ZNF226: variants seen among roughly 807,000 people sequenced by gnomAD.
ZNF226 encodes zinc finger protein 226.
In ZNF226, 6 loss-of-function variants were observed where a neutral mutation model predicts 11.4. That is an observed-to-expected ratio of 0.53 (90% CI 0.29 to 1.04). ZNF226 has a LOEUF of 1.04. Ranked by LOEUF, ZNF226 falls within the 50% of genes least tolerant of loss-of-function variation. The probability of loss-of-function intolerance (pLI) is 0.08; values close to 1 mark genes in which losing one functional copy is unlikely to be tolerated. For missense variants in ZNF226, 1,058 were observed against 956.5 expected (o/e 1.11, Z -1.40); for synonymous variants, 350 against 322.8 (o/e 1.08, Z -0.90).
chr19:44,172,307 C>A, intron 4 of ZNF226, 93 bp downstream of exon 4: 1 of 1,489,364 alleles, frequency 6.7e-7, no homozygotes. Flanking sequence ...GGGAATCTGA[C>A]TTTCCTAATT....
chr19:44,170,075 T>C lies in ZNF226; in HGVS notation c.-6T>C. 4.3e-6 allele frequency: 7 copies of C among 1,612,258 alleles called. No homozygotes were observed. The highest frequency in any genetic ancestry group is 5.9e-6 in the Non-Finnish European group (7 of 1,179,030). ...CTCTGCACTTCCCCAGAAGGAAGAA[T>C]TAAAAATGAATATGTTCAAGGTGAG... On this transcript the variant is annotated 5_prime_UTR_variant, in exon 3 of 6. Transcript: ENST00000337433.
the ZNF226 span, among the ~76,000 whole-genome samples, chr19:44,194,585 G>A: frequency 1.3e-5 from 2 of 152,144 alleles, no homozygotes; most frequent in African/African-American, 2.4e-5. Flanking sequence ...GGTCCTAGTG[G>A]CTTTAATTGT....
Position 44,177,299 on chromosome 19 carries a change from C to T in ZNF226, c.2037C>T (p.Gly679=). 6.2e-7 allele frequency: 1 copy of T among 1,613,980 alleles called. No homozygotes were observed. Among genetic ancestry groups the T allele is most frequent in the East Asian group, 2.2e-5 (1 of 44,862 alleles). Residue 679 remains glycine, a synonymous_variant, in exon 6 of 6, where the codon GGC becomes GGT. Coordinates refer to ENST00000337433, the MANE Select transcript of ZNF226 (RefSeq NM_001032373.2). The part of the protein sequence containing the change: ...KPYKCDECGK[G]FKWSLNLDMH... The stretch of plus-strand genomic sequence containing the variant: ...ACAAATGTGATGAGTGTGGGAAGGG[C>T]TTCAAGTGGAGCTTGAACCTTGACA...
At position 44,176,158 on chromosome 19, in the gene ZNF226, A is replaced by G. The variant is rs1470934194; in HGVS notation, c.896A>G (p.Gln299Arg). Reference sequence around the variant, plus strand: ...TACAGCCCAGTTCTTCCTGTTCATCAGAAAGTACATGTGGGAGAAAAACTT... The same window carrying G: ...TACAGCCCAGTTCTTCCTGTTCATCGGAAAGTACATGTGGGAGAAAAACTT... The part of the protein sequence containing the change: ...FCYSPVLPVH[Q>R]KVHVGEKLKC... The change falls in exon 6 of 6, where the codon CAG becomes CGG. Residue 299 changes from glutamine (Q) to arginine (R), a missense_variant. By Grantham distance (43) the Gln-to-Arg change is conservative (BLOSUM62 1). Transcript: ENST00000337433. The G allele has an allele frequency of 2.5e-6, 4 of 1,614,064 alleles. No homozygotes were observed. Among genetic ancestry groups the G allele is most frequent in the Admixed American group, 3.3e-5 (2 of 59,976 alleles).
Position 44,177,612 on chromosome 19 carries a change from A to G in ZNF226, c.2350A>G (p.Lys784Glu). ...AATCCATGTTGGTGATAAATCCTAT[A>G]AAAGTAATAGGGGTGGTAAGAACAT... ...HRIHVGDKSY[K>E]SNRGGKNIRE... Residue 784 changes from lysine (K) to glutamate (E), a missense_variant, in exon 6 of 6, where the codon AAA becomes GAA. Physicochemically the swap from Lys to Glu is moderately conservative, Grantham distance 56. Transcript: ENST00000337433. 1 of 1,613,672 alleles carries G rather than the reference A, an allele frequency of 6.2e-7. No homozygotes were observed. Among genetic ancestry groups the G allele is most frequent in the Non-Finnish European group, 8.5e-7 (1 of 1,179,738 alleles).
chr19:44,197,206 G>A, the ZNF226 span, among the ~76,000 whole-genome samples: 2 of 152,024 alleles, frequency 1.3e-5, no homozygotes, highest in Non-Finnish European at 2.9e-5. Flanking sequence ...TATATATTTC[G>A]GGGTGCACAT....
chr19:44,184,985 A>G, the ZNF226 span, among the ~76,000 whole-genome samples: 7 of 152,174 alleles, frequency 4.6e-5, no homozygotes, highest in Non-Finnish European at 8.8e-5. Context: ...AATTTTGACT[A>G]CTTTAGATAC....
the ZNF226 span, among the ~76,000 whole-genome samples, chr19:44,190,048 A>G: frequency 6.6e-6 from 1 of 152,250 alleles, no homozygotes; most frequent in South Asian, 2.1e-4. Context: ...ACAGTAGATA[A>G]TAAAAACTCA....
chr19:44,181,404 C>T (rs553598745), downstream of ZNF226, among the ~76,000 whole-genome samples: 4 of 152,240 alleles, frequency 2.6e-5, no homozygotes, highest in South Asian at 6.2e-4. Context: ...AGTTTCATCT[C>T]TCCCTTGCAC....
Position 44,177,409 on chromosome 19 carries a change from TTCA to T in ZNF226, c.2151_2153del (p.His717del), listed in dbSNP as rs771178086. ...TTCAGTCAGGCCTCAAGTCTTCAAC[TTCA>T]TCAGAGTGTCCACACAGGAGAGAAA... On this transcript the variant is annotated inframe_deletion, in exon 6 of 6. Transcript: ENST00000337433. 2 of 1,614,004 alleles carry T rather than the reference TTCA, an allele frequency of 1.2e-6. No individual in the cohort carries two copies. Among genetic ancestry groups the T allele is most frequent in the Admixed American group, 1.7e-5 (1 of 60,018 alleles).
chr19:44,173,246 CG>C, intron 5 of ZNF226: 1 of 470,116 alleles, frequency 2.1e-6, no homozygotes, highest in Non-Finnish European at 3.7e-6. Context: ...GAGTCTTACA[CG>C]GTGTGCTTTT....
At chr19:44,188,210 A>T in the ZNF226 span, among the ~76,000 whole-genome samples, 1 of 152,102 alleles carries the variant, frequency 6.6e-6, no homozygotes, top group Non-Finnish European at 1.5e-5. Flanking sequence ...CCATAATTGA[A>T]AGTGGGATAT....
At chr19:44,173,207 A>T (rs1050810516) in intron 5 of ZNF226, 1 of 544,364 alleles carries the variant, frequency 1.8e-6, no homozygotes, top group Middle Eastern at 4.6e-4. Context: ...TATTTTACAT[A>T]GAGTAAAATC....
At position 44,176,424 on chromosome 19, in the gene ZNF226, G is replaced by A. The variant is rs1361146579; in HGVS notation, c.1162G>A (p.Glu388Lys). Residue 388 changes from glutamate to lysine, a missense_variant, in exon 6 of 6, where the codon GAG becomes AAG. Coordinates refer to ENST00000337433, the MANE Select transcript of ZNF226 (RefSeq NM_001032373.2). Reference sequence around the variant, plus strand: ...GGACCATCAGAGACTCCACACTGGGGAGAAGCCATTCAAATGTGATGCATG... The same window carrying A: ...GGACCATCAGAGACTCCACACTGGGAAGAAGCCATTCAAATGTGATGCATG... ...LQDHQRLHTG[E>K]KPFKCDACGK... The A allele has an allele frequency of 6.2e-7, 1 of 1,614,164 alleles. No homozygotes were observed. Among genetic ancestry groups the A allele is most frequent in the Admixed American group, 1.7e-5 (1 of 60,016 alleles).
chr19:44,190,877 T>C, the ZNF226 span, among the ~76,000 whole-genome samples: 1 of 152,094 alleles, frequency 6.6e-6, no homozygotes, highest in South Asian at 2.1e-4. Flanking sequence ...AGGGATCAAA[T>C]AGAAAAAAAT....
Position 44,170,842 on chromosome 19 carries a change from G to A in ZNF226, c.15+747G>A, listed in dbSNP as rs1293084135. 2.6e-5 allele frequency among the ~76,000 whole-genome samples: 4 copies of A among 151,886 alleles called. No individual in the cohort carries two copies. In the South Asian group the frequency reaches 8.3e-4, roughly 32 times the overall value. On this transcript the variant is annotated intron_variant, in intron 3 of 5. Transcript: ENST00000337433. ...GCAAGAGAATCACTTAAATTTGGAA[G>A]GCAGAGGTTGCAGTGAGCCAAGATC...
downstream of ZNF226, among the ~76,000 whole-genome samples, chr19:44,183,171 A>G (rs1272793759): frequency 6.6e-6 from 1 of 152,214 alleles, no homozygotes; most frequent in East Asian, 1.9e-4. Context: ...GGGATTGATT[A>G]CTGGTCACTA....
At chr19:44,179,324 CTG>C (rs1410931955), downstream of ZNF226, among the ~76,000 whole-genome samples, 1 of 152,028 alleles carries the variant, frequency 6.6e-6, no homozygotes, top group African/African-American at 2.4e-5. Flanking sequence ...AATTTTTTAA[CTG>C]AGCATCGGTT....
chr19:44,196,179 C>T, the ZNF226 span, among the ~76,000 whole-genome samples: 8 of 152,128 alleles, frequency 5.3e-5, no homozygotes, highest in Non-Finnish European at 7.4e-5. Flanking sequence ...TTTTAATGAG[C>T]AGAATATAAA....
Sources: allele counts gnomAD v4.1 joint callset (sites outside exome capture counted in the v4.1 genomes callset), GRCh38; gene constraint gnomAD v4.1.1; transcripts MANE v1.5; gene names NCBI Gene and HGNC (gene_info 2026-07-23, HGNC 2026-07-21).